Variants in MAP1LC3C observed in about 807,000 individuals in gnomAD.
MAP1LC3C encodes the protein microtubule-associated protein 1 light chain 3 gamma.
Under a neutral mutation model 10.4 loss-of-function variants are expected in MAP1LC3C, and 12 were observed. That is an observed-to-expected ratio of 1.15 (90% CI 0.74 to 1.86). MAP1LC3C has a LOEUF of 1.86. Among genes scored for constraint, MAP1LC3C ranks in the 40% most tolerant of loss-of-function variants. The pLI, the probability that MAP1LC3C is intolerant of heterozygous loss-of-function variation, is 0.00. For missense variants in MAP1LC3C, 177 were observed against 185.7 expected, an observed-to-expected ratio of 0.95 and a Z score of 0.27; for synonymous variants, 70 against 69.0, an observed-to-expected ratio of 1.01 and a Z score of -0.07.
At chr1:241,999,099 G>C, upstream of MAP1LC3C, 1 of 1,503,688 alleles carries the variant, frequency 6.7e-7, no homozygotes, top group Non-Finnish European at 8.8e-7. Context: ...CTTCCAAACT[G>C]CCTGCAGGAG....
chr1:241,999,831 A>G (rs1287665120), upstream of MAP1LC3C, among the ~76,000 whole-genome samples: 1 of 152,100 alleles, frequency 6.6e-6, no homozygotes, highest in East Asian at 1.9e-4. Context: ...AAACAAAACA[A>G]AAAAAACCCA....
In MAP1LC3C at chr1:241,998,021, C is replaced by CTTTTTTTTTTTTTTTTTT. The variant is rs58237405; in HGVS notation, c.221+475_221+492dup. 5.2e-5 allele frequency among the ~76,000 whole-genome samples: 5 copies of CTTTTTTTTTTTTTTTTTT among 95,414 alleles called. 1 individual carries two copies. The highest frequency in any genetic ancestry group is 1.3e-4 in the African/African-American group (3 of 23,960). 62.6% of individuals were successfully genotyped at this position (95,414 alleles called of 152,430 possible). The stretch of plus-strand genomic sequence containing the variant: ...CTTACCTGTTTAAAATAGAGTAATT[C>CTTTTTTTTTTTTTTTTTT]TTTTTTTTTTTTTTTTTTTTTTGAG... On this transcript the variant is annotated intron_variant, in intron 3 of 3. Coordinates refer to ENST00000357246, the MANE Select transcript of MAP1LC3C (RefSeq NM_001004343.3).
At chr1:241,996,537 C>T in intron 3 of MAP1LC3C, 152 bp from the exon 4 acceptor site, 1 of 621,888 alleles carries the variant, frequency 1.6e-6, no homozygotes, top group Non-Finnish European at 2.8e-6. Flanking sequence ...AAGGGTGAGG[C>T]CATTCCATGG....
upstream of MAP1LC3C, chr1:241,999,187 G>T: frequency 7.8e-7 from 1 of 1,279,272 alleles, no homozygotes; most frequent in Non-Finnish European, 1.0e-6. Context: ...CCCCCTCCCT[G>T]GGCAGCAGGA....
chr1:241,996,591 C>T (rs1484305500), intron 3 of MAP1LC3C, among the ~76,000 whole-genome samples: 1 of 151,990 alleles, frequency 6.6e-6, no homozygotes, highest in African/African-American at 2.4e-5. Context: ...CATGACAACA[C>T]AAAAATGCTA....
At position 241,998,521 on chromosome 1, in the gene MAP1LC3C, T is replaced by G; in HGVS notation, c.214A>C (p.Ile72Leu). 6.2e-7 allele frequency: 1 copy of G among 1,614,130 alleles called. No individual in the cohort carries two copies. Among genetic ancestry groups the G allele is most frequent in the Non-Finnish European group, 8.5e-7 (1 of 1,179,998 alleles). ...QELTMTQFLS[I>L]IRSRMVLRAT... ...ACGCTCTGCGCCACCTACCGGATGA[T>G]GCTGAGGAACTGGGTCATGGTCAGC... is the stretch of plus-strand genomic sequence containing the variant. The change falls in exon 3 of 4, where the codon ATC becomes CTC. Residue 72 changes from isoleucine (I) to leucine (L), a missense_variant. Ile to Leu is a conservative substitution (Grantham distance 5). Coordinates refer to ENST00000357246, the MANE Select transcript of MAP1LC3C (RefSeq NM_001004343.3).
upstream of MAP1LC3C, chr1:241,999,173 CA>C: frequency 1.5e-6 from 2 of 1,344,166 alleles, no homozygotes; most frequent in South Asian, 1.7e-5. Flanking sequence ...CCCCTCTCCC[CA>C]CTCCCCCTCC....
At chr1:241,998,408 C>G (rs1242577400) in intron 3 of MAP1LC3C, 106 bp downstream of exon 3, 1 of 864,364 alleles carries the variant, frequency 1.2e-6, no homozygotes, top group Admixed American at 2.1e-5. Context: ...TCCTCTCTTC[C>G]CCTGACGTGC....
At chr1:241,997,474 C>T (rs531346562) in intron 3 of MAP1LC3C, among the ~76,000 whole-genome samples, 273 of 152,198 alleles carry the variant, frequency 1.8e-3, no homozygotes, top group African/African-American at 6.4e-3. Context: ...GAACTAGGTT[C>T]ACACCACTGC....
intron 3 of MAP1LC3C, among the ~76,000 whole-genome samples, chr1:241,997,918 C>A (rs1665117129): frequency 6.6e-6 from 1 of 152,020 alleles, no homozygotes; most frequent in South Asian, 2.1e-4. Context: ...AGCTTGAGAG[C>A]CAAGACTAAC....
At position 241,996,481 on chromosome 1, in the gene MAP1LC3C, T is replaced by C. The variant is rs952875293; in HGVS notation, c.222-96A>G. Reference sequence around the variant, plus strand: ...TCAAGAAGACTGAATTGCTCCCTTCTTCTTCCCTGAGATTTAGGAACTACA... The same window carrying C: ...TCAAGAAGACTGAATTGCTCCCTTCCTCTTCCCTGAGATTTAGGAACTACA... On this transcript the variant is annotated intron_variant, in intron 3 of 3. Coordinates refer to ENST00000357246, the MANE Select transcript of MAP1LC3C (RefSeq NM_001004343.3). 4.3e-5 allele frequency: 44 copies of C among 1,011,514 alleles called. 1 individual carries two copies. In the South Asian group the frequency reaches 4.6e-4, roughly 11 times the overall value. 62.7% of individuals were successfully genotyped at this position (1,011,514 alleles called of 1,614,324 possible).
At position 241,998,984 on chromosome 1, in the gene MAP1LC3C, T is replaced by C. The variant is rs770846407; in HGVS notation, c.25A>G (p.Ser9Gly). 2 of 1,610,472 alleles carry C rather than the reference T, an allele frequency of 1.2e-6. No individual in the cohort carries two copies. The highest frequency in any genetic ancestry group is 8.5e-7 in the Non-Finnish European group (1 of 1,179,274). The change falls in exon 1 of 4, where the codon AGC becomes GGC. Residue 9 changes from serine to glycine, a missense_variant. Physicochemically the swap from Ser to Gly is moderately conservative, Grantham distance 56. Coordinates refer to ENST00000357246, the MANE Select transcript of MAP1LC3C (RefSeq NM_001004343.3). MPPPQKIP[S>G]VRPFKQRKSL... ...TTCCTCTGCTTGAAGGGTCTGACGC[T>C]TGGGATTTTCTGTGGAGGCGGCATT...
chr1:241,999,169 TC>T, upstream of MAP1LC3C: 1 of 1,336,036 alleles, frequency 7.5e-7, no homozygotes, highest in Non-Finnish European at 9.7e-7. Context: ...CCCTCCCCTC[TC>T]CCCACTCCCC....
chr1:241,998,746 C>A, intron 2 of MAP1LC3C, 30 bp downstream of exon 2: 1 of 1,613,604 alleles, frequency 6.2e-7, no homozygotes, highest in Non-Finnish European at 8.5e-7. Flanking sequence ...CACCCCCACG[C>A]CCCCCAGCGG....
chr1:241,996,146 A>G lies in MAP1LC3C; in HGVS notation c.*17T>C. 6.2e-7 allele frequency: 1 copy of G among 1,604,840 alleles called. No individual in the cohort carries two copies. Among genetic ancestry groups the G allele is most frequent in the Non-Finnish European group, 8.5e-7 (1 of 1,173,452 alleles). On this transcript the variant is annotated 3_prime_UTR_variant, in exon 4 of 4. Coordinates refer to ENST00000357246, the MANE Select transcript of MAP1LC3C (RefSeq NM_001004343.3). ...ATCTGACACGTCTGTCAGAGCACAC[A>G]TCCTTCCCGACATGGGCTAGAGAGG...
At chr1:241,996,785 G>C (rs1268419510) in intron 3 of MAP1LC3C, among the ~76,000 whole-genome samples, 1 of 151,328 alleles carries the variant, frequency 6.6e-6, no homozygotes, top group Non-Finnish European at 1.5e-5. Flanking sequence ...GCTGGGTGTG[G>C]TGGCGTGAAC....
chr1:241,999,045 A>C lies in MAP1LC3C; in HGVS notation c.-37T>G, dbSNP rs1415923984. On this transcript the variant is annotated 5_prime_UTR_variant, in exon 1 of 4. Transcript: ENST00000357246. ...GCTGTGTCTGTTTTAAAAAAGAAAA[A>C]AAAACTGTCCCGCAACCGGGAACCT... The C allele has an allele frequency of 1.3e-6, 2 of 1,574,524 alleles. No individual in the cohort carries two copies.
intron 3 of MAP1LC3C, 21 bp downstream of exon 3, chr1:241,998,493 G>A (rs907412569): frequency 1.2e-6 from 2 of 1,609,944 alleles, no homozygotes; most frequent in African/African-American, 1.3e-5. Context: ...CTTCCTCCGG[G>A]GCACGCTCTG....
At chr1:241,996,998 T>A (rs1665098855) in intron 3 of MAP1LC3C, among the ~76,000 whole-genome samples, 1 of 151,510 alleles carries the variant, frequency 6.6e-6, no homozygotes. Flanking sequence ...CACTTTTTTT[T>A]TTTGATTCCC....
Sources: gnomAD v4.1 joint callset for allele counts (sites outside exome capture counted in the v4.1 genomes callset) on GRCh38, gnomAD v4.1.1 for gene constraint, MANE v1.5 for transcripts, NCBI Gene and HGNC (gene_info 2026-07-23, HGNC 2026-07-21) for gene names.